PRKCB: variants seen among roughly 807,000 people sequenced by gnomAD.
The protein encoded by PRKCB is protein kinase C beta.
PRKCB carries 13 observed loss-of-function variants against 81.5 expected under a neutral mutation model. The observed-to-expected ratio is 0.16, with a 90% CI of 0.10 to 0.25. PRKCB has a LOEUF of 0.25. PRKCB is among the 10% of genes least tolerant of loss of function. The pLI is 1.00. For synonymous variants in PRKCB, 335 were observed against 321.4 expected (o/e 1.04, Z -0.45); for missense variants, 509 against 875.7 (o/e 0.58, Z 5.29).
intron 2 of PRKCB, among the ~76,000 whole-genome samples, chr16:23,853,040 T>G (rs1341415408): frequency 6.6e-6 from 1 of 152,224 alleles, no homozygotes; most frequent in African/African-American, 2.4e-5. Flanking sequence ...ATCTGCTTCC[T>G]GTTTCAATGT....
intron 2 of PRKCB, among the ~76,000 whole-genome samples, chr16:23,843,453 C>T (rs1962302551): frequency 6.6e-6 from 1 of 151,660 alleles, no homozygotes; most frequent in African/African-American, 2.4e-5. Flanking sequence ...TTTTTTTTAC[C>T]ACCTGACGGG....
Position 24,216,486 on chromosome 16 carries a change from T to C in PRKCB, c.*1670T>C. ...CTCAGGCAGCTCTAAGGAGAATTCT[T>C]ATCACAGTTCAAGTGATTTCCAGAA... On this transcript the variant is annotated 3_prime_UTR_variant, in exon 17 of 17. Coordinates refer to ENST00000643927, the MANE Select transcript of PRKCB (RefSeq NM_002738.7). 1 of 985,436 alleles carries C rather than the reference T, an allele frequency of 1.0e-6. No homozygotes were observed. The highest frequency in any genetic ancestry group is 1.2e-6 in the Non-Finnish European group (1 of 829,928). The allele number at this position is 985,436 out of a possible 1,614,324, so 61.0% of individuals were successfully genotyped here.
At chr16:23,890,790 C>G (rs1208012444) in intron 2 of PRKCB, among the ~76,000 whole-genome samples, 2 of 152,140 alleles carry the variant, frequency 1.3e-5, no homozygotes, top group Non-Finnish European at 2.9e-5. Context: ...GAAACAACAA[C>G]CTTTCTGGAG....
At chr16:24,179,581 C>A (rs1967587051) in intron 12 of PRKCB, among the ~76,000 whole-genome samples, 1 of 152,148 alleles carries the variant, frequency 6.6e-6, no homozygotes, top group South Asian at 2.1e-4. Context: ...GATATTGGAG[C>A]AATCTTGTGT....
chr16:23,898,279 A>G (rs1016789928), intron 2 of PRKCB, among the ~76,000 whole-genome samples: 2 of 151,936 alleles, frequency 1.3e-5, no homozygotes, highest in Non-Finnish European at 2.9e-5. Flanking sequence ...GTTAGCCAGG[A>G]TGGTCTTGAT....
chr16:24,215,986 T>TA lies in PRKCB; in HGVS notation c.*1185dup, dbSNP rs59543980. The TA allele has an allele frequency of 0.12, 105,616 of 847,618 alleles. 258 individuals are homozygous for TA. The highest frequency in any genetic ancestry group is 0.13 in the Non-Finnish European group (94,743 of 720,126). The allele number at this position is 847,618 out of a possible 1,614,324, so 52.5% of individuals were successfully genotyped here. A position where few individuals can be genotyped will look rare whatever the true frequency, so the allele number is the denominator to read the frequency against. On this transcript the variant is annotated 3_prime_UTR_variant, in exon 17 of 17. Coordinates refer to ENST00000643927, the MANE Select transcript of PRKCB (RefSeq NM_002738.7). ...TTTTTCTTCTAGCATCGAGATACAA[T>TA]AAAAAAAAAAAAAAAGAAAAGAAGA...
intron 16 of PRKCB, among the ~76,000 whole-genome samples, chr16:24,192,600 T>C (rs780623486): frequency 2.6e-5 from 4 of 152,190 alleles, no homozygotes; most frequent in Non-Finnish European, 5.9e-5. Context: ...CTTGGCCAGA[T>C]GCACACGCTC....
Position 24,217,069 on chromosome 16 carries a change from T to C in PRKCB, c.*2253T>C. 1 of 954,986 alleles carries C rather than the reference T, an allele frequency of 1.0e-6. No individual in the cohort carries two copies. Among genetic ancestry groups the C allele is most frequent in the Non-Finnish European group, 1.2e-6 (1 of 820,686 alleles). The allele number at this position is 954,986 out of a possible 1,614,324, so 59.2% of individuals were successfully genotyped here. A position where few individuals can be genotyped will look rare whatever the true frequency, so the allele number is the denominator to read the frequency against. ...GATCTGAGACAACTTTAGAAAACAA[T>C]GTAGGATGAATGGAAAGAGAAAGAA... On this transcript the variant is annotated 3_prime_UTR_variant, in exon 17 of 17. Transcript: ENST00000643927.
rs543739062 is a variant in PRKCB at position 24,009,844 on chromosome 16, G to A, written c.288+21254G>A. ...AGCCTGACCAACATGGCAGAACCCCGTCCCTGCTGAAAATACAAAAACTAG... is the reference window on the plus strand; with the variant it reads ...AGCCTGACCAACATGGCAGAACCCCATCCCTGCTGAAAATACAAAAACTAG... On this transcript the variant is annotated intron_variant, in intron 3 of 16. Transcript: ENST00000643927. Among the ~76,000 whole-genome samples, 44 of 151,948 alleles carry A rather than the reference G, an allele frequency of 2.9e-4. 1 individual carries two copies. The South Asian group carries it at 8.3e-3, about 29-fold the overall frequency.
intron 5 of PRKCB, among the ~76,000 whole-genome samples, chr16:24,074,193 T>C (rs551090655): frequency 1.5e-4 from 22 of 151,626 alleles, no homozygotes; most frequent in African/African-American, 5.3e-4. Flanking sequence ...GCTACTGCCA[T>C]AGAATGTGTG....
intron 2 of PRKCB, among the ~76,000 whole-genome samples, chr16:23,859,532 T>C (rs1962626936): frequency 6.6e-6 from 1 of 152,068 alleles, no homozygotes; most frequent in Admixed American, 6.6e-5. Context: ...TGATGTGTGC[T>C]GTAATGGTGG....
rs149815844 is a variant in PRKCB, at chr16:24,085,336, G to C, written c.530-7455G>C. On this transcript the variant is annotated intron_variant, in intron 5 of 16. Coordinates refer to ENST00000643927, the MANE Select transcript of PRKCB (RefSeq NM_002738.7). ...TCTATTATTCTCAGACCTCCTCCAA[G>C]ATTCATTTGTATGAAAATCACATTG... is the stretch of plus-strand genomic sequence containing the variant. Among the ~76,000 whole-genome samples the C allele has an allele frequency of 3.2e-3, 482 of 152,256 alleles. 3 individuals are homozygous for C. The highest frequency in any genetic ancestry group is 0.011 in the African/African-American group (468 of 41,536).
intron 16 of PRKCB, among the ~76,000 whole-genome samples, chr16:24,197,698 A>G (rs1296603400): frequency 2.0e-5 from 3 of 152,130 alleles, no homozygotes; most frequent in Non-Finnish European, 4.4e-5. Context: ...GCAAAAGGTG[A>G]TAGGAGCTTG....
intron 5 of PRKCB, among the ~76,000 whole-genome samples, chr16:24,084,121 A>G (rs1966285306): frequency 1.3e-5 from 2 of 152,166 alleles, no homozygotes; most frequent in Admixed American, 6.5e-5. Context: ...GAGTGCTCCA[A>G]TGGGGATGGC....
chr16:24,094,358 G>A, intron 7 of PRKCB, 61 bp downstream of exon 7: 1 of 1,570,734 alleles, frequency 6.4e-7, no homozygotes, highest in South Asian at 1.2e-5. Flanking sequence ...GCGGGGTCAA[G>A]TATGTTTTCC....
rs114154483 is a variant in PRKCB, at chr16:23,864,232, C to T, written c.205+26826C>T. Among the ~76,000 whole-genome samples, 744 of 152,272 alleles carry T rather than the reference C, an allele frequency of 4.9e-3. 2 individuals carry two copies. Among genetic ancestry groups the T allele is most frequent in the African/African-American group, 0.017 (705 of 41,528 alleles). The stretch of plus-strand genomic sequence containing the variant: ...ATCTCTGCTCAGTGAGCTCTCCCAC[C>T]CTCAGGTACTGTGTTTCAGGCTTAT... On this transcript the variant is annotated intron_variant, in intron 2 of 16. Transcript: ENST00000643927.
At chr16:23,875,425 C>A (rs549413699) in intron 2 of PRKCB, among the ~76,000 whole-genome samples, 1 of 150,980 alleles carries the variant, frequency 6.6e-6, no homozygotes, top group East Asian at 1.9e-4. Context: ...AGCTTACCAG[C>A]GGGTGTCCAA....
chr16:23,886,406 G>GTTTTTTTGTTTTTTTTTTTTTTTTTTTT (rs1963201713), intron 2 of PRKCB, among the ~76,000 whole-genome samples: 1 of 70,202 alleles, frequency 1.4e-5, no homozygotes, highest in African/African-American at 6.5e-5. Flanking sequence ...TGTGTTAGGT[G>GTTTTTTTGTTTTTTTTTTTTTTTTTTTT]TTTTTTTTTT....
intron 15 of PRKCB, 62 bp from the exon 16 acceptor site, chr16:24,191,028 T>C: frequency 1.3e-6 from 2 of 1,552,822 alleles, no homozygotes; most frequent in Non-Finnish European, 1.8e-6. Flanking sequence ...TAATAATTTC[T>C]GAGTGTCTTA....
Sources: gnomAD v4.1 joint callset for allele counts (sites outside exome capture counted in the v4.1 genomes callset) on GRCh38, gnomAD v4.1.1 for gene constraint, MANE v1.5 for transcripts, NCBI Gene and HGNC (gene_info 2026-07-23, HGNC 2026-07-21) for gene names.